Variants in ELFN2 observed in about 807,000 individuals in gnomAD.
ELFN2 encodes the protein protein phosphatase 1 regulatory subunit 29.
In ELFN2, 17 loss-of-function variants were observed where a neutral mutation model predicts 45.5. The ratio of observed to expected loss-of-function variants is 0.37; its 90% CI spans 0.26 to 0.56. The LOEUF (loss-of-function observed/expected upper bound fraction) is 0.56, where lower values mean the gene tolerates loss of function less well. ELFN2 is among the 20% of genes least tolerant of loss of function. ELFN2 has a pLI of 0.77. For missense variants in ELFN2, 922 were observed against 1,183.2 expected (o/e 0.78, Z 3.24); for synonymous variants, 550 against 551.5 (o/e 1.00, Z 0.04).
intron 2 of ELFN2, among the ~76,000 whole-genome samples, chr22:37,397,315 T>C (rs548064632): frequency 3.9e-4 from 59 of 152,096 alleles, no homozygotes; most frequent in African/African-American, 1.3e-3. Flanking sequence ...GGAGTGAAAA[T>C]TGAAAACACA....
chr22:37,414,757 G>A lies in ELFN2; in HGVS notation c.-463+3012C>T, dbSNP rs113216076. Among the ~76,000 whole-genome samples the A allele has an allele frequency of 2.6e-4, 40 of 152,244 alleles. 2 individuals are homozygous for A. The highest frequency in any genetic ancestry group is 7.9e-4 in the African/African-American group (33 of 41,530). ...CCCCACACTCCTGGCAGCCTTGGGC[G>A]GTCTCACTTACAAAGGGCACTCACT... On this transcript the variant is annotated intron_variant, in intron 2 of 2. Coordinates refer to ENST00000402918, the MANE Select transcript of ELFN2 (RefSeq NM_052906.5).
At chr22:37,412,809 C>T (rs1935321289) in intron 2 of ELFN2, among the ~76,000 whole-genome samples, 1 of 152,250 alleles carries the variant, frequency 6.6e-6, no homozygotes, top group Non-Finnish European at 1.5e-5. Flanking sequence ...CCTCCAGGTC[C>T]AGCCTCTGGC....
chr22:37,358,122 G>A (rs1930993775), intron 1 of ELFN2, among the ~76,000 whole-genome samples: 1 of 152,084 alleles, frequency 6.6e-6, no homozygotes, highest in African/African-American at 2.4e-5. Context: ...TCCAGGTGGA[G>A]TCTGGCCAGT....
intron 2 of ELFN2, among the ~76,000 whole-genome samples, chr22:37,411,856 C>T (rs1368087787): frequency 6.6e-6 from 1 of 152,146 alleles, no homozygotes; most frequent in African/African-American, 2.4e-5. Context: ...GAGACCAGGA[C>T]ATGTGACCAC....
rs75472930 is a variant in ELFN2 at position 37,349,620 on chromosome 22, C to T, written n.149-6917G>A. Among the ~76,000 whole-genome samples, 1,195 of 151,122 alleles carry T rather than the reference C, an allele frequency of 7.9e-3. 27 individuals are homozygous for T. The highest frequency in any genetic ancestry group is 0.028 in the African/African-American group (1,152 of 41,470). Reference sequence around the variant, plus strand: ...CCAGCCCCTTCCTCCTCCTGCCCTGCCCTTCAGAGAAGGCACTGGGTGGTG... The same window carrying T: ...CCAGCCCCTTCCTCCTCCTGCCCTGTCCTTCAGAGAAGGCACTGGGTGGTG... On this transcript the variant is annotated intron_variant and non_coding_transcript_variant, in intron 1 of 2. Transcript: ENST00000452946.
intron 1 of ELFN2, among the ~76,000 whole-genome samples, chr22:37,347,619 T>C (rs572787799): frequency 6.9e-6 from 1 of 145,262 alleles, no homozygotes; most frequent in Non-Finnish European, 1.5e-5. Context: ...TCACACAAGA[T>C]TGTATAGGTG....
At position 37,344,127 on chromosome 22, in the gene ELFN2, T is replaced by C. The variant is rs1420504862; in HGVS notation, n.149-1424A>G. Among the ~76,000 whole-genome samples the C allele has an allele frequency of 5.4e-3, 247 of 45,322 alleles. 8 individuals carry two copies. The highest frequency in any genetic ancestry group is 0.022 in the African/African-American group (221 of 9,980). 29.7% of individuals were successfully genotyped at this position (45,322 alleles called of 152,430 possible). A position where few individuals can be genotyped will look rare whatever the true frequency, so the allele number is the denominator to read the frequency against. The stretch of plus-strand genomic sequence containing the variant: ...CCCCCTGCCTATGCCCGCCTGCCCA[T>C]GCCCACCTGCCCATGCCCACCTGCC... On this transcript the variant is annotated intron_variant and non_coding_transcript_variant, in intron 1 of 2. Transcript: ENST00000452946.
intron 2 of ELFN2, among the ~76,000 whole-genome samples, chr22:37,398,621 G>A (rs1051917861): frequency 6.6e-6 from 1 of 152,088 alleles, no homozygotes; most frequent in Non-Finnish European, 1.5e-5. Context: ...TAAAGCCTCT[G>A]GCGCCTCCCC....
At chr22:37,383,100 G>GTACA (rs1277186063) in intron 2 of ELFN2, among the ~76,000 whole-genome samples, 1 of 152,090 alleles carries the variant, frequency 6.6e-6, no homozygotes, top group African/African-American at 2.4e-5. Flanking sequence ...CTGCCCTTGG[G>GTACA]TACAGCTGCC....
intron 1 of ELFN2, among the ~76,000 whole-genome samples, chr22:37,344,090 A>ATGCCCG (rs1930632236): frequency 4.1e-5 from 1 of 24,220 alleles, no homozygotes; most frequent in Non-Finnish European, 7.5e-5. Context: ...GCCCAACCCC[A>ATGCCCG]CCTGCCCATG....
At chr22:37,389,149 T>C (rs147265011) in intron 2 of ELFN2, among the ~76,000 whole-genome samples, 24 of 152,248 alleles carry the variant, frequency 1.6e-4, no homozygotes, top group African/African-American at 5.5e-4. Flanking sequence ...GCCACATGGC[T>C]GCAAGGTTCT....
At position 37,369,686 on chromosome 22, in the gene ELFN2, GA is replaced by G. The variant is rs1165474069; in HGVS notation, c.*3385del. 1 of 152,374 alleles carries G rather than the reference GA, an allele frequency of 6.6e-6. No individual in the cohort carries two copies. Among genetic ancestry groups the G allele is most frequent in the African/African-American group, 2.4e-5 (1 of 41,460 alleles). 9.4% of individuals were successfully genotyped at this position (152,374 alleles called of 1,614,324 possible). A position where few individuals can be genotyped will look rare whatever the true frequency, so the allele number is the denominator to read the frequency against. ...AGCAGACCCATTGTGCTACTTCCCA[GA>G]AACAGCTTCAGAGGAGATTCTCCAA... On this transcript the variant is annotated 3_prime_UTR_variant, in exon 3 of 3. Coordinates refer to ENST00000402918, the MANE Select transcript of ELFN2 (RefSeq NM_052906.5).
At position 37,374,515 on chromosome 22, in the gene ELFN2, C is replaced by T. The variant is rs770986396; in HGVS notation, c.1020G>A (p.Lys340=). The T allele has an allele frequency of 6.2e-7, 1 of 1,614,214 alleles. No individual in the cohort carries two copies. Among genetic ancestry groups the T allele is most frequent in the Non-Finnish European group, 8.5e-7 (1 of 1,180,038 alleles). Residue 340 remains lysine (K), a synonymous_variant, in exon 3 of 3, where the codon AAG becomes AAA. Coordinates refer to ENST00000402918, the MANE Select transcript of ELFN2 (RefSeq NM_052906.5). ...CCAGCGTCACGATCTCCTTCTTGTTCTTGAGGGTCATGACGTCGGAGAAGT... is the reference window on the plus strand; with the variant it reads ...CCAGCGTCACGATCTCCTTCTTGTTTTTGAGGGTCATGACGTCGGAGAAGT... ...NSYFSDVMTL[K]NKKEIVTLDK...
Position 37,374,197 on chromosome 22 carries a change from A to T in ELFN2, c.1338T>A (p.Asp446Glu), listed in dbSNP as rs748776432. ...KTILEMRYGA[D>E]VDAGSIVHAA... is the part of the protein sequence containing the mutation. Reference sequence around the variant, plus strand: ...CGTGCACAATGGAGCCGGCATCCACATCAGCCCCGTAGCGCATCTCCAGGA... The same window carrying T: ...CGTGCACAATGGAGCCGGCATCCACTTCAGCCCCGTAGCGCATCTCCAGGA... Residue 446 changes from aspartate to glutamate, a missense_variant, in exon 3 of 3, where the codon GAT becomes GAA. By Grantham distance (45) the Asp-to-Glu change is conservative. This residue lies in a region of ELFN2 where 564 missense variants were observed against 642.8 expected (regional missense o/e 0.88). Transcript: ENST00000402918. 7 of 1,613,366 alleles carry T rather than the reference A, an allele frequency of 4.3e-6. No individual in the cohort carries two copies. In the African/African-American group the frequency reaches 8.0e-5, roughly 18 times the overall value.
Position 37,372,929 on chromosome 22 carries a change from TGC to T in ELFN2, c.*141_*142del, listed in dbSNP as rs1230532056. The T allele has an allele frequency of 7.2e-5, 58 of 800,702 alleles. No homozygotes were observed. The highest frequency in any genetic ancestry group is 9.3e-5 in the South Asian group (5 of 53,896). The allele number at this position is 800,702 out of a possible 1,614,324, so 49.6% of individuals were successfully genotyped here. On this transcript the variant is annotated 3_prime_UTR_variant, in exon 3 of 3. Coordinates refer to ENST00000402918, the MANE Select transcript of ELFN2 (RefSeq NM_052906.5). This position sits in a 1 kb window ranked among gnomAD's most constrained non-coding sequence, Gnocchi z 4.4. Reference sequence around the variant, plus strand: ...GTCGGGTGGTGGTCAGGTGTGTGTGTGCGTGCGTGCGTGCGGGTCTGCATGTG... The same window carrying T: ...GTCGGGTGGTGGTCAGGTGTGTGTGTGTGCGTGCGTGCGGGTCTGCATGTG...
chr22:37,416,839 C>A (rs1191315463), intron 2 of ELFN2, among the ~76,000 whole-genome samples: 1 of 152,188 alleles, frequency 6.6e-6, no homozygotes, highest in Admixed American at 6.5e-5. Flanking sequence ...CCCTTCAGGG[C>A]ACCCATCACT....
chr22:37,377,998 C>G (rs191624653), intron 2 of ELFN2, among the ~76,000 whole-genome samples: 1 of 152,206 alleles, frequency 6.6e-6, no homozygotes, highest in African/African-American at 2.4e-5. Context: ...CAGAGATCCA[C>G]GAGCCGGCCT....
chr22:37,399,572 AC>A (rs908556051), intron 2 of ELFN2, among the ~76,000 whole-genome samples: 1 of 130,732 alleles, frequency 7.6e-6, no homozygotes, highest in Non-Finnish European at 1.6e-5. Context: ...CACCTCTCCC[AC>A]CTCCACCGAC....
At chr22:37,422,948 G>GT (rs1008726885) in intron 1 of ELFN2, among the ~76,000 whole-genome samples, 14 of 133,422 alleles carry the variant, frequency 1.0e-4, no homozygotes, top group African/African-American at 4.4e-4. Flanking sequence ...GGCCTCGGGG[G>GT]GGGGGGGGGA....
Sources: gnomAD v4.1 joint callset for allele counts (sites outside exome capture counted in the v4.1 genomes callset) on GRCh38, gnomAD v4.1.1 for gene constraint, gnomAD v4.1.1 regional missense constraint, Gnocchi (gnomAD v3.1) non-coding constraint, MANE v1.5 for transcripts, NCBI Gene and HGNC (gene_info 2026-07-23, HGNC 2026-07-21) for gene names.